Variants in TNRC18 observed in about 807,000 individuals in gnomAD.
TNRC18 encodes the protein trinucleotide repeat containing 18, also known as trinucleotide repeat-containing gene 18 protein.
TNRC18 carries 69 observed loss-of-function variants against 226.7 expected under a neutral mutation model. The ratio of observed to expected loss-of-function variants is 0.30; its 90% CI spans 0.25 to 0.37. The LOEUF is 0.37. Among genes scored for constraint, TNRC18 ranks in the 10% least tolerant of loss-of-function variants. The pLI, the probability that TNRC18 is intolerant of heterozygous loss-of-function variation, is 1.00. For synonymous variants in TNRC18, 2,449 were observed against 1,927.6 expected (o/e 1.27, Z -7.09); for missense variants, 4,754 against 4,256.6 (o/e 1.12, Z -3.25).
intron 8 of TNRC18, among the ~76,000 whole-genome samples, 197 bp from the exon 9 acceptor site, chr7:5,376,421 G>A (rs1330469301): frequency 6.6e-6 from 1 of 152,168 alleles, no homozygotes. Context: ...CCCAGGCCCG[G>A]GGAACACAGC....
chr7:5,415,662 T>C (rs1263962001), intron 2 of TNRC18, among the ~76,000 whole-genome samples: 3 of 150,804 alleles, frequency 2.0e-5, no homozygotes, highest in Non-Finnish European at 4.4e-5. Context: ...ATCACAGGCG[T>C]GAGCCACCGT....
Position 5,370,430 on chromosome 7 carries a change from G to T in TNRC18, c.4164C>A (p.Thr1388=). 1 of 1,556,250 alleles carries T rather than the reference G, an allele frequency of 6.4e-7. No individual in the cohort carries two copies. Among genetic ancestry groups the T allele is most frequent in the Admixed American group, 1.9e-5 (1 of 51,350 alleles). Residue 1388 remains threonine, a synonymous_variant, in exon 11 of 30, where the codon ACC becomes ACA. Transcript: ENST00000430969. ...VLEQSFLHGI[T]LLSEIAELEL... is the part of the protein sequence containing the mutation. ...CCAGCTCTGCGATCTCACTTAGCAG[G>T]GTGATGCCATGCAGGAAGCTCTGCT...
chr7:5,320,501 G>A (rs1269641417), intron 23 of TNRC18, 31 bp downstream of exon 23: 1 of 1,557,496 alleles, frequency 6.4e-7, no homozygotes, highest in Non-Finnish European at 8.8e-7. Flanking sequence ...CCCACCCCGA[G>A]CCTCCCGAGG....
chr7:5,388,819 C>A lies in TNRC18; in HGVS notation c.1005G>T (p.Leu335=). The A allele has an allele frequency of 8.4e-7, 1 of 1,189,828 alleles. No individual in the cohort carries two copies. The highest frequency in any genetic ancestry group is 2.9e-5 in the South Asian group (1 of 34,738). 73.7% of individuals were successfully genotyped at this position (1,189,828 alleles called of 1,614,324 possible). The part of the protein sequence containing the change: ...LPGPRPCPSP[L]PPPPAPPKGP... Reference sequence around the variant, plus strand: ...CCTTGGGGGGCGCGGGCGGCGGGGGCAGCGGTGAGGGGCAGGGGCGCGGCC... The same window carrying A: ...CCTTGGGGGGCGCGGGCGGCGGGGGAAGCGGTGAGGGGCAGGGGCGCGGCC... The change falls in exon 5 of 30, where the codon CTG becomes CTT. Residue 335 remains leucine, a synonymous_variant. Coordinates refer to ENST00000430969, the MANE Select transcript of TNRC18 (RefSeq NM_001080495.3).
In TNRC18 at chr7:5,357,003, T is replaced by C; in HGVS notation, c.5107A>G (p.Arg1703Gly). The change falls in exon 16 of 30, where the codon AGG (arginine) becomes GGG (glycine). Residue 1703 changes from arginine to glycine, a missense_variant. Transcript: ENST00000430969. ...EGKHKRAAKT[R>G]KMEVGFKARG... Reference sequence around the variant, plus strand: ...GCCTTGAACCCCACCTCCATCTTCCTGGTTTTGGCTGCCCTTTTGTGTTTA... The same window carrying C: ...GCCTTGAACCCCACCTCCATCTTCCCGGTTTTGGCTGCCCTTTTGTGTTTA... 6 of 1,552,326 alleles carry C rather than the reference T, an allele frequency of 3.9e-6. No individual in the cohort carries two copies. The highest frequency in any genetic ancestry group is 5.2e-6 in the Non-Finnish European group (6 of 1,147,126).
At position 5,315,106 on chromosome 7, in the gene TNRC18, C is replaced by T. The variant is rs765493508; in HGVS notation, c.6905G>A (p.Arg2302His). The change falls in exon 26 of 30, where the codon CGC (arginine) becomes CAC (histidine). Residue 2302 changes from arginine to histidine, a missense_variant. By Grantham distance (29) the Arg-to-His change is conservative (BLOSUM62 0). Coordinates refer to ENST00000430969, the MANE Select transcript of TNRC18 (RefSeq NM_001080495.3). ...GTCTTTGCTGGTCTTCCGGCTGCGG[C>T]GCTTGGCACTTGGCACCAGAAGGGC... ...SPALLVPSAK[R>H]RSRKTSKDTG... 3.1e-6 allele frequency: 5 copies of T among 1,613,056 alleles called. No homozygotes were observed. Among genetic ancestry groups the T allele is most frequent in the South Asian group, 2.2e-5 (2 of 90,926 alleles).
rs972873347 is a variant in TNRC18, at chr7:5,324,832, C to A, written c.6300+264G>T. On this transcript the variant is annotated intron_variant, in intron 20 of 29. Transcript: ENST00000430969. The surrounding 1 kb of genome is among the most constrained non-coding windows in gnomAD (Gnocchi z 4.8). ...TGAGGACCTGGTGCTGGGCTGGGGG[C>A]CTGTCACCCAGGTCTCCTGGTCTCT... is the stretch of plus-strand genomic sequence containing the variant. Among the ~76,000 whole-genome samples the A allele has an allele frequency of 6.6e-6, 1 of 152,194 alleles. No individual in the cohort carries two copies. Among genetic ancestry groups the A allele is most frequent in the African/African-American group, 2.4e-5 (1 of 41,442 alleles).
chr7:5,320,968 G>T, intron 22 of TNRC18, 105 bp downstream of exon 22: 1 of 844,564 alleles, frequency 1.2e-6, no homozygotes, highest in Non-Finnish European at 1.9e-6. Flanking sequence ...TGCCATCGGG[G>T]GAAACCACAG....
intron 27 of TNRC18, among the ~76,000 whole-genome samples, chr7:5,310,033 C>T (rs1787016745): frequency 6.6e-6 from 1 of 151,986 alleles, no homozygotes; most frequent in African/African-American, 2.4e-5. Flanking sequence ...CTCCCTCGGC[C>T]GCCTGAGTTG....
rs1280474035 is a variant in TNRC18 at position 5,312,193 on chromosome 7, G to A, written c.8388+310C>T. Among the ~76,000 whole-genome samples the A allele has an allele frequency of 3.9e-5, 6 of 152,108 alleles. No individual in the cohort carries two copies. Among genetic ancestry groups the A allele is most frequent in the Non-Finnish European group, 7.4e-5 (5 of 67,988 alleles). ...TGGAAAGCCCCTTCCACGTGGCGCC[G>A]ACGCCTGTGGGTCTGTGCTGATCTT... On this transcript the variant is annotated intron_variant, in intron 27 of 29. Transcript: ENST00000430969. This position sits in a 1 kb window ranked among gnomAD's most constrained non-coding sequence, Gnocchi z 6.3.
At chr7:5,362,552 A>G in intron 12 of TNRC18, 98 bp downstream of exon 12, 1 of 1,237,930 alleles carries the variant, frequency 8.1e-7, no homozygotes, top group South Asian at 1.6e-5. Flanking sequence ...CTCTGGCGCC[A>G]AAGCCAGCCA....
chr7:5,420,591 G>A (rs1782502826), intron 2 of TNRC18: 1 of 454,860 alleles, frequency 2.2e-6, no homozygotes, highest in South Asian at 1.6e-5. Context: ...AACTGCCAGG[G>A]ACCCGGCTCG....
At position 5,307,788 on chromosome 7, in the gene TNRC18, G is replaced by A. The variant is rs755099956; in HGVS notation, c.*318C>T. On this transcript the variant is annotated 3_prime_UTR_variant, in exon 30 of 30. Coordinates refer to ENST00000430969, the MANE Select transcript of TNRC18 (RefSeq NM_001080495.3). ...CCGGGCCCCCACGCAGCAGCAGCCT[G>A]GAGGGCCGGCCTGGCCAAGTGCTTG... The A allele has an allele frequency of 2.8e-4, 116 of 420,668 alleles. No homozygotes were observed. Among genetic ancestry groups the A allele is most frequent in the Non-Finnish European group, 4.1e-4 (91 of 223,554 alleles). 26.1% of individuals were successfully genotyped at this position (420,668 alleles called of 1,614,324 possible). A position where few individuals can be genotyped will look rare whatever the true frequency, so the allele number is the denominator to read the frequency against.
intron 18 of TNRC18, among the ~76,000 whole-genome samples, chr7:5,337,239 A>G (rs1790209258): frequency 1.3e-5 from 2 of 152,116 alleles, no homozygotes; most frequent in South Asian, 4.1e-4. Flanking sequence ...ACTCAAAGAA[A>G]AAAAAAAAAC....
rs1787715044 is a variant in TNRC18 at position 5,315,103 on chromosome 7, C to CGGCGCTT, written c.6901_6907dup (p.Arg2303GlnfsTer43). The CGGCGCTT allele has an allele frequency of 6.2e-7, 1 of 1,612,828 alleles. No homozygotes were observed. The highest frequency in any genetic ancestry group is 8.5e-7 in the Non-Finnish European group (1 of 1,179,694). On this transcript the variant is annotated frameshift_variant, in exon 26 of 30. Coordinates refer to ENST00000430969, the MANE Select transcript of TNRC18 (RefSeq NM_001080495.3). LOFTEE classifies it high-confidence loss of function. Reference sequence around the variant, plus strand: ...AGTGTCTTTGCTGGTCTTCCGGCTGCGGCGCTTGGCACTTGGCACCAGAAG... The same window carrying CGGCGCTT: ...AGTGTCTTTGCTGGTCTTCCGGCTGCGGCGCTTGGCGCTTGGCACTTGGCACCAGAAG...
chr7:5,382,301 G>GC (rs35214578), intron 5 of TNRC18, among the ~76,000 whole-genome samples: 1 of 152,142 alleles, frequency 6.6e-6, no homozygotes, highest in African/African-American at 2.4e-5. Context: ...CGTCACTGCC[G>GC]CCCCCTCTCT....
At chr7:5,391,600 C>T (rs952415385) in intron 3 of TNRC18, among the ~76,000 whole-genome samples, 1 of 151,828 alleles carries the variant, frequency 6.6e-6, no homozygotes, top group Non-Finnish European at 1.5e-5. Flanking sequence ...TGTGAGCCAC[C>T]ACATCCGGCT....
intron 5 of TNRC18, among the ~76,000 whole-genome samples, chr7:5,386,661 G>A (rs1779812764): frequency 6.6e-6 from 1 of 151,602 alleles, no homozygotes; most frequent in Non-Finnish European, 1.5e-5. Flanking sequence ...AAGGTTGGAG[G>A]ATCGCTTGAG....
At chr7:5,357,631 C>T (rs1289218264) in intron 15 of TNRC18, among the ~76,000 whole-genome samples, 3 of 152,076 alleles carry the variant, frequency 2.0e-5, no homozygotes, top group Non-Finnish European at 4.4e-5. Flanking sequence ...TACAGGCGTG[C>T]GCCACCACTC....
Sources: gnomAD v4.1 joint callset for allele counts (sites outside exome capture counted in the v4.1 genomes callset) on GRCh38, gnomAD v4.1.1 for gene constraint, Gnocchi (gnomAD v3.1) non-coding constraint, MANE v1.5 for transcripts, NCBI Gene and HGNC (gene_info 2026-07-23, HGNC 2026-07-21) for gene names.